NPFFR2: variants seen among roughly 807,000 people sequenced by gnomAD.
NPFFR2 encodes the protein neuropeptide FF receptor 2.
In NPFFR2, 15 loss-of-function variants were observed where a neutral mutation model predicts 13.1. The observed-to-expected ratio is 1.15, with a 90% CI of 0.77 to 1.76. NPFFR2 has a LOEUF of 1.76. Among genes scored for constraint, NPFFR2 ranks in the 40% most tolerant of loss-of-function variants. NPFFR2 has a pLI of 0.00. For synonymous variants in NPFFR2, 190 were observed against 175.7 expected (o/e 1.08, Z -0.65); for missense variants, 572 against 503.5 (o/e 1.14, Z -1.30).
At chr4:72,077,893 A>G (rs1328747729) in intron 1 of NPFFR2, among the ~76,000 whole-genome samples, 1 of 152,128 alleles carries the variant, frequency 6.6e-6, no homozygotes, top group Non-Finnish European at 1.5e-5. Context: ...TCAGATAAAG[A>G]AAGTGAAAAT....
intron 1 of NPFFR2, among the ~76,000 whole-genome samples, chr4:72,047,307 T>C (rs1719407684): frequency 6.6e-6 from 1 of 152,062 alleles, no homozygotes; most frequent in Non-Finnish European, 1.5e-5. Context: ...CCTGAAGGCA[T>C]TTCACTTATC....
At chr4:72,116,441 G>A (rs1721715543) in intron 1 of NPFFR2, among the ~76,000 whole-genome samples, 1 of 151,708 alleles carries the variant, frequency 6.6e-6, no homozygotes, top group Non-Finnish European at 1.5e-5. Context: ...AGGGGATAAA[G>A]GGTGAAAAAC....
rs370013682 is a variant in NPFFR2, at chr4:72,045,754, A to G, written c.-8+13554A>G. 2.0e-5 allele frequency among the ~76,000 whole-genome samples: 3 copies of G among 151,494 alleles called. No homozygotes were observed. In the East Asian group the frequency reaches 5.8e-4, roughly 29 times the overall value. On this transcript the variant is annotated intron_variant, in intron 1 of 3. Transcript: ENST00000308744. ...ATTGAATGCTGTACTGAAAAGAGAA[A>G]AAATAATGGTTGTGTGGGTACTCAA...
At chr4:72,074,880 G>A (rs13134881) in intron 1 of NPFFR2, among the ~76,000 whole-genome samples, 136,905 of 152,156 alleles carry the variant, frequency 0.9, 62,548 homozygotes, top group Non-Finnish European at 0.98. Flanking sequence ...CTAAACTAAT[G>A]TCAGACAACA....
At chr4:72,089,547 G>C (rs959956474) in intron 1 of NPFFR2, among the ~76,000 whole-genome samples, 1 of 152,000 alleles carries the variant, frequency 6.6e-6, no homozygotes, top group Non-Finnish European at 1.5e-5. Flanking sequence ...ATCATATTGT[G>C]GTTTTGATTT....
At chr4:72,140,913 G>A (rs2109846624) in intron 3 of NPFFR2, among the ~76,000 whole-genome samples, 2 of 152,228 alleles carry the variant, frequency 1.3e-5, no homozygotes, top group Middle Eastern at 6.8e-3. Flanking sequence ...TGGTTGGTAA[G>A]CTATTAATTA....
intron 1 of NPFFR2, among the ~76,000 whole-genome samples, chr4:72,095,938 G>T (rs1192491323): frequency 6.6e-6 from 1 of 152,150 alleles, no homozygotes; most frequent in Non-Finnish European, 1.5e-5. Context: ...AGTCATGAGT[G>T]TCATTTCTAC....
intron 1 of NPFFR2, among the ~76,000 whole-genome samples, chr4:72,038,522 T>A (rs536511267): frequency 3.0e-5 from 4 of 131,258 alleles, no homozygotes; most frequent in Non-Finnish European, 6.6e-5. Flanking sequence ...TTATCATTCC[T>A]GTTTTTTAAT....
intron 1 of NPFFR2, among the ~76,000 whole-genome samples, chr4:72,122,956 A>G (rs1445754573): frequency 5.9e-5 from 9 of 152,206 alleles, no homozygotes; most frequent in Non-Finnish European, 1.5e-5. Flanking sequence ...ATATCAATGA[A>G]TCCAGGAGCT....
chr4:72,143,757 T>C (rs945934369), intron 3 of NPFFR2, among the ~76,000 whole-genome samples: 2 of 152,190 alleles, frequency 1.3e-5, no homozygotes, highest in African/African-American at 4.8e-5. Context: ...TTCATCTCTG[T>C]ATCTCAAATC....
intron 1 of NPFFR2, among the ~76,000 whole-genome samples, chr4:72,111,306 A>G (rs746690372): frequency 2.0e-5 from 3 of 152,054 alleles, no homozygotes; most frequent in Admixed American, 1.3e-4. Flanking sequence ...ATGTATACTG[A>G]GTCCTATTCT....
At chr4:72,086,195 A>G (rs1481812693) in intron 1 of NPFFR2, among the ~76,000 whole-genome samples, 3 of 152,126 alleles carry the variant, frequency 2.0e-5, no homozygotes, top group Non-Finnish European at 2.9e-5. Flanking sequence ...ATTGCTTTAT[A>G]TTGAAGGTTG....
intron 1 of NPFFR2, among the ~76,000 whole-genome samples, chr4:72,066,590 T>A (rs1162954355): frequency 1.3e-5 from 2 of 150,572 alleles, no homozygotes; most frequent in Non-Finnish European, 2.9e-5. Context: ...AAAAAAGTTA[T>A]GTGCTTCCAA....
intron 1 of NPFFR2, among the ~76,000 whole-genome samples, chr4:72,081,994 G>T (rs1470662920): frequency 6.6e-6 from 1 of 152,168 alleles, no homozygotes; most frequent in African/African-American, 2.4e-5. Flanking sequence ...GATATTCTAA[G>T]ATCAAGCCTT....
intron 1 of NPFFR2, among the ~76,000 whole-genome samples, chr4:72,105,949 T>C (rs918122871): frequency 6.6e-6 from 1 of 152,016 alleles, no homozygotes; most frequent in Non-Finnish European, 1.5e-5. Flanking sequence ...AAGACTATTA[T>C]TGAGACCACC....
intron 1 of NPFFR2, among the ~76,000 whole-genome samples, chr4:72,098,216 C>T (rs72856185): frequency 0.034 from 5,187 of 152,182 alleles, 281 homozygotes; most frequent in African/African-American, 0.12. Context: ...TAGCATATAA[C>T]GTACTGTGTT....
chr4:72,048,136 G>A (rs563359182), intron 1 of NPFFR2, among the ~76,000 whole-genome samples: 2 of 152,008 alleles, frequency 1.3e-5, no homozygotes, highest in East Asian at 1.9e-4. Context: ...ATATACACAC[G>A]TACGTAAATG....
chr4:72,114,953 AT>A, intron 1 of NPFFR2, among the ~76,000 whole-genome samples: 1 of 152,180 alleles, frequency 6.6e-6, no homozygotes, highest in Non-Finnish European at 1.5e-5. Flanking sequence ...GGGAACAGTG[AT>A]AATCATAGTA....
intron 1 of NPFFR2, among the ~76,000 whole-genome samples, chr4:72,058,397 T>TAAA (rs5859299): frequency 6.8e-5 from 10 of 147,742 alleles, no homozygotes; most frequent in Admixed American, 6.8e-5. Context: ...AAATAAAAAG[T>TAAA]AAAAAAAAAA....
Sources: allele counts gnomAD v4.1 joint callset (sites outside exome capture counted in the v4.1 genomes callset), GRCh38; gene constraint gnomAD v4.1.1; transcripts MANE v1.5; gene names NCBI Gene and HGNC (gene_info 2026-07-23, HGNC 2026-07-21).